Variants in DNAH6 observed in about 807,000 individuals in gnomAD.
The protein encoded by DNAH6 is axonemal beta dynein heavy chain 6.
A neutral mutation model predicts 491.4 loss-of-function variants in DNAH6; 340 were observed. The ratio of observed to expected loss-of-function variants is 0.69; its 90% confidence interval spans 0.63 to 0.76. The LOEUF (loss-of-function observed/expected upper bound fraction) is 0.76, where lower values mean the gene tolerates loss of function less well. DNAH6 is among the 30% of genes least tolerant of loss of function. DNAH6 has a pLI of 0.00. For synonymous variants in DNAH6, 1,603 were observed against 1,686.1 expected, an observed-to-expected ratio of 0.95 and a Z score of 1.21; for missense variants, 4,443 against 4,972.2, an observed-to-expected ratio of 0.89 and a Z score of 3.20.
the DNAH6 span, among the ~76,000 whole-genome samples, chr2:84,478,722 G>C: frequency 6.6e-6 from 1 of 152,154 alleles, no homozygotes; most frequent in African/African-American, 2.4e-5. Flanking sequence ...GAGAGGTCCA[G>C]CTGTTTGTTA....
chr2:84,596,415 C>T (rs1026151582), intron 18 of DNAH6, among the ~76,000 whole-genome samples: 8 of 152,048 alleles, frequency 5.3e-5, no homozygotes, highest in Admixed American at 4.6e-4. Flanking sequence ...CCTCGGCCTC[C>T]TGGGTTCAAG....
At chr2:84,541,650 A>G (rs1172893534) in intron 4 of DNAH6, among the ~76,000 whole-genome samples, 7 of 152,228 alleles carry the variant, frequency 4.6e-5, no homozygotes, top group Non-Finnish European at 5.9e-5. Context: ...GGAGAGTTAG[A>G]GAAAAGTGAG....
rs549903044 is a variant in DNAH6 at position 84,697,599 on chromosome 2, G to C, written c.7549G>C (p.Asp2517His). The C allele has an allele frequency of 6.4e-7, 1 of 1,551,844 alleles. No individual in the cohort carries two copies. ...GATTGTAGTGGAGGAGTTCCTAGAA[G>C]ATATAAATAACATCCTGAACTCAGG... Reference protein sequence around the residue: ...TQIVVEEFLEDINNILNSGEV... With the variant: ...TQIVVEEFLEHINNILNSGEV... The change falls in exon 47 of 77, where the codon GAT becomes CAT. Residue 2517 changes from aspartate to histidine, a missense_variant. Around this residue, in one of 3 missense-constraint regions of DNAH6, gnomAD observed 2,977 missense variants for 3,296.6 expected, o/e 0.90. Coordinates refer to ENST00000389394, the MANE Select transcript of DNAH6 (RefSeq NM_001370.2).
At chr2:84,514,615 A>G (rs774229268), upstream of DNAH6, among the ~76,000 whole-genome samples, 1 of 152,198 alleles carries the variant, frequency 6.6e-6, no homozygotes, top group African/African-American at 2.4e-5. Flanking sequence ...AATGGGAAAT[A>G]TAAAGCACAG....
chr2:84,674,814 G>A (rs1693075591), intron 40 of DNAH6, among the ~76,000 whole-genome samples: 2 of 152,138 alleles, frequency 1.3e-5, no homozygotes, highest in Non-Finnish European at 2.9e-5. Context: ...CCAGCGCTCA[G>A]TGGCTCCTCT....
rs1172294388 is a variant in DNAH6 at position 84,658,514 on chromosome 2, TA to T, written c.5940+41del. 8 of 1,305,486 alleles carry T rather than the reference TA, an allele frequency of 6.1e-6. No homozygotes were observed. The East Asian group carries it at 2.0e-4, about 32-fold the overall frequency. The allele number at this position is 1,305,486 out of a possible 1,614,324, so 80.9% of individuals were successfully genotyped here. A position where few individuals can be genotyped will look rare whatever the true frequency, so the allele number is the denominator to read the frequency against. On this transcript the variant is annotated intron_variant, in intron 36 of 76. Coordinates refer to ENST00000389394, the MANE Select transcript of DNAH6 (RefSeq NM_001370.2). ...CTTATTGCTATGAAGCTAGAAAAATTAGATTATTGTATAAGTTCTTTGCAAA... is the reference window on the plus strand; with the variant it reads ...CTTATTGCTATGAAGCTAGAAAAATTGATTATTGTATAAGTTCTTTGCAAA...
chr2:84,762,857 A>G lies in DNAH6; in HGVS notation c.10615A>G (p.Asn3539Asp). The G allele has an allele frequency of 6.4e-7, 1 of 1,551,444 alleles. No individual in the cohort carries two copies. Among genetic ancestry groups the G allele is most frequent in the Non-Finnish European group, 8.7e-7 (1 of 1,146,766 alleles). The stretch of plus-strand genomic sequence containing the variant: ...TACCCTGTATCAAGACATGTCATGC[A>G]ACACTCCCCTGGTATTCATCCTAAG... Reference protein sequence around the residue: ...LPTLYQDMSCNTPLVFILSTG... With the variant: ...LPTLYQDMSCDTPLVFILSTG... The change falls in exon 64 of 77, where the codon AAC becomes GAC. Residue 3539 changes from asparagine (N) to aspartate (D), a missense_variant. Coordinates refer to ENST00000389394, the MANE Select transcript of DNAH6 (RefSeq NM_001370.2).
intron 37 of DNAH6, among the ~76,000 whole-genome samples, chr2:84,660,101 A>G (rs182007270): frequency 6.0e-4 from 92 of 152,364 alleles, no homozygotes; most frequent in Non-Finnish European, 7.9e-4. Context: ...GAGCATATCT[A>G]GTATACTTAT....
At position 84,670,441 on chromosome 2, in the gene DNAH6, G is replaced by A. The variant is rs1286843696; in HGVS notation, c.6420G>A (p.Glu2140=). 1 of 1,540,178 alleles carries A rather than the reference G, an allele frequency of 6.5e-7. No individual in the cohort carries two copies. The highest frequency in any genetic ancestry group is 1.2e-5 in the South Asian group (1 of 80,560). Residue 2140 remains glutamate, a synonymous_variant, in exon 39 of 77, where the codon GAG becomes GAA. Transcript: ENST00000389394. ...TSSARTQEII[E]SKLERKRKNI... is the part of the protein sequence containing the mutation. ...CTGCAAGGACACAAGAGATCATTGA[G>A]TCAAAACTGGAGAGAAAAAGAAAAA...
chr2:84,623,476 TACA>T (rs534752202), intron 26 of DNAH6, among the ~76,000 whole-genome samples: 8 of 152,162 alleles, frequency 5.3e-5, no homozygotes, highest in South Asian at 2.1e-4. Context: ...TTTATTGAAA[TACA>T]ACAACTTTAT....
intron 54 of DNAH6, among the ~76,000 whole-genome samples, chr2:84,708,494 A>AGGGG (rs1696706565): frequency 1.4e-5 from 1 of 72,200 alleles, no homozygotes; most frequent in African/African-American, 4.9e-5. Flanking sequence ...GGAGGGAGGG[A>AGGGG]GGGAGGAAGG....
chr2:84,659,496 G>T (rs1691280947), intron 37 of DNAH6, among the ~76,000 whole-genome samples: 1 of 152,182 alleles, frequency 6.6e-6, no homozygotes, highest in Non-Finnish European at 1.5e-5. Context: ...TTGCTGGAAT[G>T]TACTTGCTAT....
At chr2:84,707,144 G>A in intron 53 of DNAH6, 125 bp downstream of exon 53, 1 of 1,112,812 alleles carries the variant, frequency 9.0e-7, no homozygotes. Context: ...TAGCCTCCTA[G>A]GATCAAATAA....
intron 70 of DNAH6, among the ~76,000 whole-genome samples, chr2:84,803,077 T>C (rs1460366529): frequency 6.6e-6 from 1 of 152,164 alleles, no homozygotes; most frequent in Non-Finnish European, 1.5e-5. Flanking sequence ...AAGGGGAAAG[T>C]GTATAAAGCT....
chr2:84,495,415 G>A, the DNAH6 span, among the ~76,000 whole-genome samples: 1 of 152,184 alleles, frequency 6.6e-6, no homozygotes, highest in East Asian at 1.9e-4. Context: ...CATCCACTTT[G>A]GCCTCCCAAA....
intron 62 of DNAH6, among the ~76,000 whole-genome samples, chr2:84,738,035 G>C (rs895731992): frequency 6.6e-6 from 1 of 151,998 alleles, no homozygotes; most frequent in Non-Finnish European, 1.5e-5. Flanking sequence ...CAGAGGTTTT[G>C]ATACATTCCA....
chr2:84,489,634 C>T, the DNAH6 span, among the ~76,000 whole-genome samples: 3 of 152,186 alleles, frequency 2.0e-5, no homozygotes, highest in Admixed American at 6.5e-5. Flanking sequence ...ATAAAATTAG[C>T]TCTGCCTTGC....
At chr2:84,733,041 G>C (rs1699247746) in intron 61 of DNAH6, among the ~76,000 whole-genome samples, 1 of 152,204 alleles carries the variant, frequency 6.6e-6, no homozygotes, top group Non-Finnish European at 1.5e-5. Flanking sequence ...TACTGATACT[G>C]CTCCATACTC....
At chr2:84,707,742 A>T (rs1252680428) in intron 54 of DNAH6, 26 bp downstream of exon 54, 1 of 1,536,478 alleles carries the variant, frequency 6.5e-7, no homozygotes, top group Non-Finnish European at 8.8e-7. Flanking sequence ...TTCTGTAAGG[A>T]GGGGTAAGAA....
Sources: gnomAD v4.1 joint callset for allele counts (sites outside exome capture counted in the v4.1 genomes callset) on GRCh38, gnomAD v4.1.1 for gene constraint, gnomAD v4.1.1 regional missense constraint, MANE v1.5 for transcripts, NCBI Gene and HGNC (gene_info 2026-07-23, HGNC 2026-07-21) for gene names.